The following HS6ST3 variants were observed in gnomAD, a reference collection of about 807,000 sequenced individuals.
HS6ST3 encodes the protein heparan-sulfate 6-O-sulfotransferase 3.
In HS6ST3, 12 loss-of-function variants were observed where a neutral mutation model predicts 36.7. The observed-to-expected ratio is 0.33, with a 90% CI of 0.21 to 0.53. The LOEUF (loss-of-function observed/expected upper bound fraction) is 0.53. Ranked by LOEUF, HS6ST3 falls within the 20% of genes least tolerant of loss-of-function variation. The pLI is 0.95. For synonymous variants in HS6ST3, 240 were observed against 257.5 expected (o/e 0.93, Z 0.65); for missense variants, 584 against 640.9 (o/e 0.91, Z 0.96).
intron 1 of HS6ST3, among the ~76,000 whole-genome samples, chr13:96,482,090 CT>C (rs1300995353): frequency 6.6e-6 from 1 of 152,138 alleles, no homozygotes; most frequent in Non-Finnish European, 1.5e-5. Context: ...GCTCTCTTGT[CT>C]TTCTCCATGC....
chr13:96,806,944 G>A (rs544257647), intron 1 of HS6ST3, among the ~76,000 whole-genome samples: 10 of 152,128 alleles, frequency 6.6e-5, no homozygotes, highest in Admixed American at 3.3e-4. Context: ...GGGAAGACAC[G>A]TCATAGAAGA....
intron 1 of HS6ST3, among the ~76,000 whole-genome samples, chr13:96,697,978 A>G (rs997062524): frequency 6.6e-6 from 1 of 152,130 alleles, no homozygotes; most frequent in Non-Finnish European, 1.5e-5. Flanking sequence ...AAGTGTTTTC[A>G]TATTATTCTC....
intron 1 of HS6ST3, among the ~76,000 whole-genome samples, chr13:96,333,571 C>G (rs2055084025): frequency 6.6e-6 from 1 of 152,076 alleles, no homozygotes. Flanking sequence ...CAGCTGCTGA[C>G]AAGCTTTTGG....
intron 1 of HS6ST3, among the ~76,000 whole-genome samples, chr13:96,219,294 A>G (rs2054443063): frequency 6.6e-6 from 1 of 152,214 alleles, no homozygotes; most frequent in Non-Finnish European, 1.5e-5. Flanking sequence ...GCTAACATGT[A>G]TATAACCTCA....
chr13:96,103,079 C>T (rs1490663343), intron 1 of HS6ST3, among the ~76,000 whole-genome samples: 1 of 151,936 alleles, frequency 6.6e-6, no homozygotes, highest in East Asian at 1.9e-4. Context: ...GTGGAGGGGC[C>T]GGTTTTCCCT....
chr13:96,337,251 A>G (rs1438749113), intron 1 of HS6ST3, among the ~76,000 whole-genome samples: 2 of 152,106 alleles, frequency 1.3e-5, no homozygotes, highest in Non-Finnish European at 2.9e-5. Flanking sequence ...TATTTTTAGT[A>G]GAGACGTGGT....
At chr13:96,765,579 T>G (rs889326289) in intron 1 of HS6ST3, among the ~76,000 whole-genome samples, 2 of 119,128 alleles carry the variant, frequency 1.7e-5, no homozygotes, top group South Asian at 2.6e-4. Flanking sequence ...ATGTATGCGC[T>G]CTCTCTCTTT....
At chr13:96,630,581 A>G (rs1289503951) in intron 1 of HS6ST3, among the ~76,000 whole-genome samples, 3 of 152,104 alleles carry the variant, frequency 2.0e-5, no homozygotes, top group East Asian at 3.9e-4. Flanking sequence ...GGGTTCTATT[A>G]AGTTCCTCAC....
chr13:96,757,084 T>A (rs1447885957), intron 1 of HS6ST3, among the ~76,000 whole-genome samples: 1 of 152,208 alleles, frequency 6.6e-6, no homozygotes, highest in Non-Finnish European at 1.5e-5. Flanking sequence ...GGGTTGATGG[T>A]GGCATTCCTT....
At chr13:96,284,009 A>G (rs961112145) in intron 1 of HS6ST3, among the ~76,000 whole-genome samples, 2 of 152,144 alleles carry the variant, frequency 1.3e-5, no homozygotes, top group African/African-American at 4.8e-5. Flanking sequence ...CTTCCTGAAA[A>G]CGTACATTTT....
At chr13:96,525,086 A>G (rs150869018) in intron 1 of HS6ST3, among the ~76,000 whole-genome samples, 27 of 152,072 alleles carry the variant, frequency 1.8e-4, no homozygotes, top group African/African-American at 6.0e-4. Context: ...TGTAATTATC[A>G]TCTGAATAAT....
Position 96,588,241 on chromosome 13 carries a change from C to G in HS6ST3, c.708-244249C>G, listed in dbSNP as rs1345777393. 2.0e-5 allele frequency among the ~76,000 whole-genome samples: 3 copies of G among 148,378 alleles called. No individual in the cohort carries two copies. In the East Asian group the frequency reaches 6.0e-4, roughly 29 times the overall value. On this transcript the variant is annotated intron_variant, in intron 1 of 1. Coordinates refer to ENST00000376705, the MANE Select transcript of HS6ST3 (RefSeq NM_153456.4). The stretch of plus-strand genomic sequence containing the variant: ...CCTTTTTTTTTCTTGCTTAACTACT[C>G]TAGCTAGCTAGAATGTCCAATACTA...
chr13:96,559,124 A>G (rs1333109742), intron 1 of HS6ST3, among the ~76,000 whole-genome samples: 3 of 150,880 alleles, frequency 2.0e-5, no homozygotes, highest in Non-Finnish European at 4.4e-5. Context: ...CTATCTATCT[A>G]TTTATTTATT....
intron 1 of HS6ST3, among the ~76,000 whole-genome samples, chr13:96,303,047 C>CA (rs1270711365): frequency 6.6e-6 from 1 of 152,152 alleles, no homozygotes; most frequent in Non-Finnish European, 1.5e-5. Context: ...GTATGGCCTG[C>CA]AAAGTTCTAA....
intron 1 of HS6ST3, among the ~76,000 whole-genome samples, chr13:96,656,701 C>T (rs1054604561): frequency 1.3e-5 from 2 of 152,040 alleles, no homozygotes; most frequent in Non-Finnish European, 2.9e-5. Flanking sequence ...GTCGCAAAAA[C>T]GATGGCATAG....
chr13:96,662,378 C>T (rs1014341063), intron 1 of HS6ST3, among the ~76,000 whole-genome samples: 2 of 151,994 alleles, frequency 1.3e-5, no homozygotes, highest in African/African-American at 2.4e-5. Flanking sequence ...TTCTTCTGCT[C>T]CTTGGTCTAG....
intron 1 of HS6ST3, among the ~76,000 whole-genome samples, chr13:96,725,435 T>C (rs1017369650): frequency 2.2e-4 from 33 of 152,336 alleles, no homozygotes; most frequent in African/African-American, 7.9e-4. Flanking sequence ...ATCTATGAAA[T>C]CATCACCTAA....
chr13:96,536,259 A>G (rs2056154981), intron 1 of HS6ST3, among the ~76,000 whole-genome samples: 1 of 152,236 alleles, frequency 6.6e-6, no homozygotes, highest in East Asian at 1.9e-4. Flanking sequence ...GCTTTGGCAG[A>G]AATCGTTGTC....
chr13:96,403,501 C>T (rs1464921103), intron 1 of HS6ST3, among the ~76,000 whole-genome samples: 1 of 152,148 alleles, frequency 6.6e-6, no homozygotes, highest in Non-Finnish European at 1.5e-5. Flanking sequence ...TCCAGTAACT[C>T]AGATCCCACA....
Sources: gnomAD v4.1 joint callset for allele counts (sites outside exome capture counted in the v4.1 genomes callset) on GRCh38, gnomAD v4.1.1 for gene constraint, MANE v1.5 for transcripts, NCBI Gene and HGNC (gene_info 2026-07-23, HGNC 2026-07-21) for gene names.